Variants in RBFOX1 observed in about 807,000 individuals in gnomAD.
RBFOX1 encodes RNA binding fox-1 homolog 1.
A neutral mutation model predicts 57.7 loss-of-function variants in RBFOX1; 8 were observed. The observed-to-expected ratio is 0.14, with a 90% CI of 0.08 to 0.25. RBFOX1 has a LOEUF of 0.25. Among genes scored for constraint, RBFOX1 ranks in the 10% least tolerant of loss-of-function variants. The pLI is 1.00. For synonymous variants in RBFOX1, 326 were observed against 222.4 expected (o/e 1.47, Z -4.15); for missense variants, 611 against 548.5 (o/e 1.11, Z -1.14).
At chr16:6,404,962 C>T (rs1207763512) in intron 2 of RBFOX1, among the ~76,000 whole-genome samples, 1 of 152,178 alleles carries the variant, frequency 6.6e-6, no homozygotes, top group Non-Finnish European at 1.5e-5. Context: ...CCTTCTATTT[C>T]TTCCCAAATA....
At chr16:5,688,191 G>T (rs2050562042) in intron 3 of RBFOX1, among the ~76,000 whole-genome samples, 1 of 152,186 alleles carries the variant, frequency 6.6e-6, no homozygotes, top group African/African-American at 2.4e-5. Flanking sequence ...GCTAAATTTA[G>T]ATTACACCTG....
intron 4 of RBFOX1, among the ~76,000 whole-genome samples, chr16:7,151,156 A>G (rs2076030815): frequency 6.6e-6 from 1 of 152,194 alleles, no homozygotes; most frequent in South Asian, 2.1e-4. Context: ...CAAAAGAAAG[A>G]TGGTTGCTGA....
intron 3 of RBFOX1, among the ~76,000 whole-genome samples, chr16:6,953,113 G>A (rs374272019): frequency 1.3e-5 from 2 of 152,164 alleles, no homozygotes; most frequent in Admixed American, 6.6e-5. Context: ...GAAGGTCTGC[G>A]ACTGAGTAGA....
intron 3 of RBFOX1, among the ~76,000 whole-genome samples, chr16:5,847,379 G>A (rs960266919): frequency 2.7e-5 from 4 of 145,922 alleles, no homozygotes; most frequent in African/African-American, 5.0e-5. Flanking sequence ...GGTGGGGGGG[G>A]AATCTTAAAA....
At chr16:7,565,958 C>G (rs1237106445) in intron 5 of RBFOX1, among the ~76,000 whole-genome samples, 1 of 152,096 alleles carries the variant, frequency 6.6e-6, no homozygotes, top group East Asian at 1.9e-4. Flanking sequence ...GAAGCAGCAG[C>G]TGGGCCCAAA....
intron 4 of RBFOX1, among the ~76,000 whole-genome samples, chr16:7,208,174 C>T (rs1026808801): frequency 3.3e-5 from 5 of 152,116 alleles, no homozygotes; most frequent in African/African-American, 1.2e-4. Context: ...CTTACTTGGG[C>T]TGAGGTATGA....
intron 3 of RBFOX1, among the ~76,000 whole-genome samples, chr16:7,005,185 A>G (rs1324511977): frequency 1.4e-5 from 2 of 147,142 alleles, no homozygotes; most frequent in Admixed American, 1.3e-4. Flanking sequence ...TAAACAAAAT[A>G]AACACATATC....
At chr16:5,353,004 A>G (rs955805633) in intron 1 of RBFOX1, among the ~76,000 whole-genome samples, 1 of 152,200 alleles carries the variant, frequency 6.6e-6, no homozygotes, top group African/African-American at 2.4e-5. Flanking sequence ...TTTTTCTGAT[A>G]CTATTCTTTA....
chr16:6,494,065 A>C (rs1284911003), intron 2 of RBFOX1, among the ~76,000 whole-genome samples: 1 of 151,572 alleles, frequency 6.6e-6, no homozygotes, highest in African/African-American at 2.5e-5. Flanking sequence ...TTCTTAATTG[A>C]AATTTTTACA....
intron 3 of RBFOX1, among the ~76,000 whole-genome samples, chr16:6,917,613 T>G (rs1235288233): frequency 6.6e-6 from 1 of 151,476 alleles, no homozygotes; most frequent in African/African-American, 2.4e-5. Context: ...GCTCCCTTCC[T>G]GCCTTCTACA....
At chr16:6,341,645 A>AT (rs377152370) in intron 2 of RBFOX1, among the ~76,000 whole-genome samples, 6,263 of 149,096 alleles carry the variant, frequency 0.042, 311 homozygotes, top group African/African-American at 0.13. Context: ...ACATCTTCCC[A>AT]TTTTTTTTTT....
At chr16:7,698,554 A>G (rs541628388) in intron 14 of RBFOX1, among the ~76,000 whole-genome samples, 1 of 152,308 alleles carries the variant, frequency 6.6e-6, no homozygotes, top group South Asian at 2.1e-4. Flanking sequence ...CAGCTACATT[A>G]AAACTTTAGG....
At chr16:6,364,899 G>T (rs1314471495) in intron 2 of RBFOX1, among the ~76,000 whole-genome samples, 1 of 152,108 alleles carries the variant, frequency 6.6e-6, no homozygotes, top group Non-Finnish European at 1.5e-5. Flanking sequence ...GAGGGGCAGG[G>T]GGTGTGGTCC....
intron 2 of RBFOX1, among the ~76,000 whole-genome samples, chr16:6,463,520 G>C (rs769554391): frequency 6.6e-6 from 1 of 152,092 alleles, no homozygotes; most frequent in Non-Finnish European, 1.5e-5. Flanking sequence ...GATTTGATGG[G>C]GGGTCGGGGC....
At chr16:6,177,092 A>G (rs1006818072) in intron 1 of RBFOX1, among the ~76,000 whole-genome samples, 5 of 151,930 alleles carry the variant, frequency 3.3e-5, no homozygotes, top group African/African-American at 1.2e-4. Flanking sequence ...GAGGAATACC[A>G]TATTTTGGAT....
At chr16:5,455,853 T>C (rs1331449727) in intron 1 of RBFOX1, among the ~76,000 whole-genome samples, 1 of 152,152 alleles carries the variant, frequency 6.6e-6, no homozygotes, top group Non-Finnish European at 1.5e-5. Flanking sequence ...TAAAGGTGAT[T>C]GGTGTTGGAA....
chr16:6,518,029 G>C (rs1279536289), intron 2 of RBFOX1, among the ~76,000 whole-genome samples: 1 of 152,146 alleles, frequency 6.6e-6, no homozygotes, highest in Non-Finnish European at 1.5e-5. Context: ...TGACTCTGAA[G>C]TTCTTGTCTG....
intron 10 of RBFOX1, among the ~76,000 whole-genome samples, chr16:7,618,170 A>C (rs1038964542): frequency 6.6e-6 from 1 of 152,154 alleles, no homozygotes; most frequent in Admixed American, 6.5e-5. Context: ...TACATAATGA[A>C]ATCTGAATTT....
At chr16:7,450,065 G>C (rs1421577603) in intron 4 of RBFOX1, among the ~76,000 whole-genome samples, 1 of 152,064 alleles carries the variant, frequency 6.6e-6, no homozygotes. Flanking sequence ...TGTCATCATA[G>C]AAAGAAAAGA....
Sources: gnomAD v4.1 joint callset for allele counts (sites outside exome capture counted in the v4.1 genomes callset) on GRCh38, gnomAD v4.1.1 for gene constraint, MANE v1.5 for transcripts, NCBI Gene and HGNC (gene_info 2026-07-23, HGNC 2026-07-21) for gene names.